The following EXOC4 variants were observed in gnomAD, a reference collection of about 807,000 sequenced individuals.
EXOC4 encodes the protein exocyst complex component 4.
EXOC4 carries 71 observed loss-of-function variants against 107.2 expected under a neutral mutation model. The observed-to-expected ratio is 0.66, with a 90% CI of 0.55 to 0.81. The LOEUF is 0.81. Among genes scored for constraint, EXOC4 ranks in the 30% least tolerant of loss-of-function variants. The pLI, the probability that EXOC4 is intolerant of heterozygous loss-of-function variation, is 0.00. For missense variants in EXOC4, 1,108 were observed against 1,189.6 expected, an observed-to-expected ratio of 0.93 and a Z score of 1.01; for synonymous variants, 456 against 441.2, an observed-to-expected ratio of 1.03 and a Z score of -0.42.
intron 10 of EXOC4, among the ~76,000 whole-genome samples, chr7:133,809,637 A>T (rs537539571): frequency 6.6e-6 from 1 of 152,340 alleles, no homozygotes; most frequent in East Asian, 1.9e-4. Flanking sequence ...GTTGTGATAC[A>T]TGGAATCAGC....
intron 14 of EXOC4, among the ~76,000 whole-genome samples, chr7:133,939,160 G>A (rs1162473386): frequency 2.0e-5 from 3 of 152,176 alleles, no homozygotes; most frequent in Admixed American, 6.5e-5. Context: ...TAATATTAGG[G>A]CTATTAGACA....
intron 13 of EXOC4, among the ~76,000 whole-genome samples, chr7:133,921,994 A>G (rs949946638): frequency 1.3e-5 from 2 of 151,990 alleles, no homozygotes; most frequent in African/African-American, 4.8e-5. Context: ...GGCCATATCC[A>G]GTCTATTGCT....
At chr7:133,894,740 C>T (rs1260396869) in intron 11 of EXOC4, among the ~76,000 whole-genome samples, 1 of 83,002 alleles carries the variant, frequency 1.2e-5, no homozygotes, top group South Asian at 5.1e-4. Flanking sequence ...TTAGGCTGCT[C>T]GGGGGTCAGG....
chr7:133,684,226 T>C (rs1794246493), intron 10 of EXOC4, among the ~76,000 whole-genome samples: 1 of 152,172 alleles, frequency 6.6e-6, no homozygotes, highest in Non-Finnish European at 1.5e-5. Context: ...GCTTTACAAA[T>C]CAAAGTGTTC....
chr7:133,524,014 G>A (rs555977844), intron 9 of EXOC4, among the ~76,000 whole-genome samples: 10,767 of 147,848 alleles, frequency 0.073, 1,296 homozygotes, highest in African/African-American at 0.25. Context: ...CTGAGGAATC[G>A]CCACACCGAC....
intron 10 of EXOC4, among the ~76,000 whole-genome samples, chr7:133,685,793 C>T (rs1440926421): frequency 1.3e-5 from 2 of 151,992 alleles, no homozygotes; most frequent in Non-Finnish European, 2.9e-5. Flanking sequence ...AGACATATTG[C>T]GTAGTGGTGC....
intron 11 of EXOC4, among the ~76,000 whole-genome samples, chr7:133,872,979 TA>T (rs1398346983): frequency 6.6e-5 from 10 of 152,186 alleles, no homozygotes; most frequent in African/African-American, 2.4e-4. Flanking sequence ...CTTGAGAAAA[TA>T]GAAAGCCTGG....
intron 10 of EXOC4, among the ~76,000 whole-genome samples, chr7:133,703,898 T>C (rs952507062): frequency 1.2e-4 from 19 of 152,248 alleles, no homozygotes; most frequent in Non-Finnish European, 1.9e-4. Flanking sequence ...TGCTCCTTCA[T>C]GGTCAGCAGA....
intron 10 of EXOC4, 72 bp downstream of exon 10, chr7:133,630,213 AGTT>A: frequency 8.5e-7 from 1 of 1,176,770 alleles, no homozygotes; most frequent in Non-Finnish European, 1.3e-6. Context: ...ACTGAATGCC[AGTT>A]GTTGAGTCAG....
intron 10 of EXOC4, among the ~76,000 whole-genome samples, chr7:133,665,521 A>G (rs902865957): frequency 6.6e-6 from 1 of 152,182 alleles, no homozygotes; most frequent in African/African-American, 2.4e-5. Context: ...GGTTTCTACA[A>G]GTTGACCATG....
intron 10 of EXOC4, among the ~76,000 whole-genome samples, chr7:133,674,723 C>CTTTAATGCTA (rs1794019574): frequency 6.6e-6 from 1 of 152,162 alleles, no homozygotes; most frequent in Admixed American, 6.5e-5. Flanking sequence ...GAATTTAGCA[C>CTTTAATGCTA]TTTAATGCTA....
At chr7:134,073,228 A>AAC in the EXOC4 span, among the ~76,000 whole-genome samples, 3 of 17,488 alleles carry the variant, frequency 1.7e-4, no homozygotes, top group African/African-American at 3.1e-4. Context: ...AAAAAAAAAA[A>AAC]AAAACAACAA....
the EXOC4 span, among the ~76,000 whole-genome samples, chr7:134,096,278 G>C: frequency 6.6e-6 from 1 of 152,108 alleles, no homozygotes; most frequent in Admixed American, 6.5e-5. Flanking sequence ...GCCCACAATG[G>C]AATAAGTCAC....
At chr7:133,321,425 C>T (rs560164947) in intron 5 of EXOC4, among the ~76,000 whole-genome samples, 14 of 152,246 alleles carry the variant, frequency 9.2e-5, no homozygotes, top group Admixed American at 5.2e-4. Flanking sequence ...CCCCTAGCCC[C>T]GCCCTGACCG....
chr7:133,646,632 A>G (rs777377660), intron 10 of EXOC4, among the ~76,000 whole-genome samples: 12 of 152,302 alleles, frequency 7.9e-5, no homozygotes, highest in Non-Finnish European at 1.0e-4. Context: ...TATGTGTGGT[A>G]TGCATATTTC....
At chr7:133,707,890 C>A (rs1392994528) in intron 10 of EXOC4, among the ~76,000 whole-genome samples, 1 of 152,062 alleles carries the variant, frequency 6.6e-6, no homozygotes, top group Non-Finnish European at 1.5e-5. Flanking sequence ...CTGTGCCTGG[C>A]CTCATTTTTG....
At chr7:134,071,125 T>G (rs141253682), downstream of EXOC4, among the ~76,000 whole-genome samples, 2 of 152,348 alleles carry the variant, frequency 1.3e-5, no homozygotes, top group African/African-American at 4.8e-5. Context: ...GCTAAATGCT[T>G]TACCACATTA....
intron 10 of EXOC4, among the ~76,000 whole-genome samples, chr7:133,697,856 G>C (rs1794570975): frequency 6.6e-6 from 1 of 152,160 alleles, no homozygotes; most frequent in African/African-American, 2.4e-5. Flanking sequence ...AAAGGTGGGT[G>C]ATTTTCCCTA....
At chr7:133,575,322 T>A (rs970103121) in intron 9 of EXOC4, among the ~76,000 whole-genome samples, 1 of 152,186 alleles carries the variant, frequency 6.6e-6, no homozygotes, top group Admixed American at 6.5e-5. Context: ...ATAGTGGTGA[T>A]AAGATTTTAG....
Sources: allele counts gnomAD v4.1 joint callset (sites outside exome capture counted in the v4.1 genomes callset), GRCh38; gene constraint gnomAD v4.1.1; transcripts MANE v1.5; gene names NCBI Gene and HGNC (gene_info 2026-07-23, HGNC 2026-07-21).